GRIN2B: variants seen among roughly 807,000 people sequenced by gnomAD.
GRIN2B encodes glutamate receptor ionotropic, NMDA 2B.
Under a neutral mutation model 114.5 loss-of-function variants are expected in GRIN2B, and 5 were observed. The ratio of observed to expected loss-of-function variants is 0.04; its 90% CI spans 0.02 to 0.09. The LOEUF (loss-of-function observed/expected upper bound fraction) is 0.09. GRIN2B is among the 10% of genes least tolerant of loss of function. The probability of loss-of-function intolerance (pLI) is 1.00; values close to 1 mark genes in which losing one functional copy is unlikely to be tolerated. For synonymous variants in GRIN2B, 787 were observed against 745.1 expected, an observed-to-expected ratio of 1.06 and a Z score of -0.92; for missense variants, 1,108 against 1,943.5, an observed-to-expected ratio of 0.57 and a Z score of 8.08.
intron 3 of GRIN2B, among the ~76,000 whole-genome samples, chr12:13,823,556 T>C (rs1218317997): frequency 6.6e-6 from 1 of 152,104 alleles, no homozygotes; most frequent in Non-Finnish European, 1.5e-5. Flanking sequence ...AGTGATTTTA[T>C]GTAAATTCCT....
chr12:13,658,780 T>C (rs1006519075), intron 5 of GRIN2B, among the ~76,000 whole-genome samples: 2 of 151,984 alleles, frequency 1.3e-5, no homozygotes, highest in African/African-American at 4.8e-5. Context: ...TGGGGTGGGG[T>C]CTTGTGAAGC....
intron 3 of GRIN2B, among the ~76,000 whole-genome samples, chr12:13,863,250 C>G (rs1330032221): frequency 3.3e-5 from 5 of 152,160 alleles, no homozygotes; most frequent in African/African-American, 4.8e-5. Flanking sequence ...CTTAAGCGCT[C>G]CACCATTTCA....
intron 3 of GRIN2B, among the ~76,000 whole-genome samples, chr12:13,862,965 C>A (rs1051394470): frequency 5.9e-5 from 9 of 152,152 alleles, no homozygotes; most frequent in Non-Finnish European, 8.8e-5. Context: ...TTGCTGCTTA[C>A]CTTTTAGAAA....
intron 4 of GRIN2B, among the ~76,000 whole-genome samples, chr12:13,697,877 AG>A (rs1208666739): frequency 2.0e-5 from 3 of 152,214 alleles, no homozygotes; most frequent in Non-Finnish European, 4.4e-5. Context: ...TGATCCTGAG[AG>A]TGCATTTTGC....
intron 3 of GRIN2B, among the ~76,000 whole-genome samples, chr12:13,835,781 A>T (rs996700604): frequency 1.1e-4 from 17 of 151,260 alleles, no homozygotes; most frequent in African/African-American, 3.6e-4. Flanking sequence ...TAAAAAAAAA[A>T]AAAAAAAAAA....
intron 2 of GRIN2B, among the ~76,000 whole-genome samples, chr12:13,905,374 C>T (rs1280507860): frequency 6.6e-6 from 1 of 152,140 alleles, no homozygotes; most frequent in African/African-American, 2.4e-5. Flanking sequence ...TTTTCTGTTC[C>T]TAGAAGTTTT....
intron 3 of GRIN2B, among the ~76,000 whole-genome samples, chr12:13,852,172 G>A (rs568902639): frequency 9.8e-5 from 15 of 152,324 alleles, no homozygotes; most frequent in Non-Finnish European, 1.8e-4. Flanking sequence ...CTGGCTGGCT[G>A]CACCATTGTG....
At chr12:13,742,485 C>T (rs1466971684) in intron 4 of GRIN2B, among the ~76,000 whole-genome samples, 3 of 152,138 alleles carry the variant, frequency 2.0e-5, no homozygotes, top group Non-Finnish European at 2.9e-5. Flanking sequence ...GGCTGGAGTA[C>T]AGTGGCATGA....
chr12:13,644,154 G>A (rs113852225), intron 5 of GRIN2B, among the ~76,000 whole-genome samples: 9,809 of 152,164 alleles, frequency 0.064, 486 homozygotes, highest in African/African-American at 0.14. Flanking sequence ...ATAGCCTTAT[G>A]AAATGTATTT....
At chr12:13,673,686 G>A (rs957623734) in intron 5 of GRIN2B, among the ~76,000 whole-genome samples, 1 of 152,096 alleles carries the variant, frequency 6.6e-6, no homozygotes, top group African/African-American at 2.4e-5. Flanking sequence ...GTTCTAGAAA[G>A]GGGTAGGGGA....
Position 13,574,467 on chromosome 12 carries a change from T to C in GRIN2B, c.2011-2503A>G, listed in dbSNP as rs530005760. On this transcript the variant is annotated intron_variant, in intron 10 of 13. Coordinates refer to ENST00000609686, the MANE Select transcript of GRIN2B (RefSeq NM_000834.5). ...CTAAGATACTCTAGGGCCCAAGGTA[T>C]TTTCTGAAACATCAGTGAAAATTGC... Among the ~76,000 whole-genome samples, 5 of 152,350 alleles carry C rather than the reference T, an allele frequency of 3.3e-5. No individual in the cohort carries two copies. The East Asian group carries it at 9.6e-4, about 29-fold the overall frequency.
intron 10 of GRIN2B, among the ~76,000 whole-genome samples, chr12:13,597,429 A>G (rs1949088649): frequency 6.6e-6 from 1 of 152,192 alleles, no homozygotes; most frequent in African/African-American, 2.4e-5. Flanking sequence ...TCTCCCTACC[A>G]ACCTCCTCCT....
chr12:13,956,045 G>A (rs1419599468), intron 2 of GRIN2B, among the ~76,000 whole-genome samples: 1 of 152,186 alleles, frequency 6.6e-6, no homozygotes, highest in Non-Finnish European at 1.5e-5. Context: ...TCCTAGAGGA[G>A]GTGAGGTTGC....
chr12:13,807,873 C>T (rs149282151), intron 3 of GRIN2B, among the ~76,000 whole-genome samples: 21 of 152,102 alleles, frequency 1.4e-4, no homozygotes, highest in South Asian at 2.1e-4. Context: ...CTTAACCAAC[C>T]CACCCAGCTT....
intron 3 of GRIN2B, among the ~76,000 whole-genome samples, chr12:13,851,361 C>T (rs1382132699): frequency 6.6e-6 from 1 of 152,048 alleles, no homozygotes; most frequent in African/African-American, 2.4e-5. Flanking sequence ...CTTCTTTCTC[C>T]TTCTTAATCT....
chr12:13,703,424 A>C (rs1480008897), intron 4 of GRIN2B, among the ~76,000 whole-genome samples: 1 of 152,178 alleles, frequency 6.6e-6, no homozygotes, highest in Non-Finnish European at 1.5e-5. Flanking sequence ...TAAGAAAAAT[A>C]ATAATAATTT....
At chr12:13,661,972 C>T (rs1949928098) in intron 5 of GRIN2B, among the ~76,000 whole-genome samples, 1 of 152,118 alleles carries the variant, frequency 6.6e-6, no homozygotes, top group Non-Finnish European at 1.5e-5. Context: ...CATGTTGTGT[C>T]ACATTCGATG....
chr12:13,836,286 T>A (rs867818150), intron 3 of GRIN2B, among the ~76,000 whole-genome samples: 6 of 152,258 alleles, frequency 3.9e-5, no homozygotes, highest in South Asian at 4.2e-4. Context: ...AACCCAGCAG[T>A]CCTGAGGGCT....
chr12:13,601,323 C>G (rs1364001433), intron 10 of GRIN2B, among the ~76,000 whole-genome samples: 2 of 152,284 alleles, frequency 1.3e-5, no homozygotes, highest in East Asian at 3.9e-4. Context: ...GGCTCCATGT[C>G]TTCCTGTGGC....
Sources: gnomAD v4.1 joint callset for allele counts (sites outside exome capture counted in the v4.1 genomes callset) on GRCh38, gnomAD v4.1.1 for gene constraint, MANE v1.5 for transcripts, NCBI Gene and HGNC (gene_info 2026-07-23, HGNC 2026-07-21) for gene names.